Variants in NTRK2 observed in about 807,000 individuals in gnomAD.
The protein encoded by NTRK2 is BDNF/NT-3 growth factors receptor.
NTRK2 carries 13 observed loss-of-function variants against 94.5 expected under a neutral mutation model. The observed-to-expected ratio is 0.14, with a 90% CI of 0.09 to 0.22. NTRK2 has a LOEUF of 0.22. Among genes scored for constraint, NTRK2 ranks in the 10% least tolerant of loss-of-function variants. The pLI, the probability that NTRK2 is intolerant of heterozygous loss-of-function variation, is 1.00. For missense variants in NTRK2, 639 were observed against 1,071.2 expected (o/e 0.60, Z 5.63); for synonymous variants, 372 against 407.4 (o/e 0.91, Z 1.05).
At chr9:84,929,996 C>T (rs1046322873) in intron 14 of NTRK2, among the ~76,000 whole-genome samples, 7 of 152,126 alleles carry the variant, frequency 4.6e-5, no homozygotes, top group Non-Finnish European at 1.0e-4. Flanking sequence ...TATGTGATAG[C>T]TTATTTATCA....
chr9:85,003,259 A>T (rs1186958929), intron 17 of NTRK2, among the ~76,000 whole-genome samples: 1 of 152,154 alleles, frequency 6.6e-6, no homozygotes, highest in Non-Finnish European at 1.5e-5. Context: ...ACAAAAACAA[A>T]TGGGAGGAGA....
At chr9:84,984,622 G>A (rs889848640) in intron 17 of NTRK2, among the ~76,000 whole-genome samples, 4 of 152,150 alleles carry the variant, frequency 2.6e-5, no homozygotes, top group African/African-American at 9.7e-5. Context: ...GCTGGCCTGG[G>A]GACCACAGGC....
intron 15 of NTRK2, among the ~76,000 whole-genome samples, chr9:84,945,849 A>C (rs1414790483): frequency 1.3e-5 from 2 of 152,210 alleles, no homozygotes; most frequent in East Asian, 3.9e-4. Context: ...GGTGGTGCTT[A>C]TAAAGACACT....
intron 14 of NTRK2, among the ~76,000 whole-genome samples, chr9:84,882,709 T>C (rs1327018748): frequency 1.3e-5 from 2 of 148,262 alleles, no homozygotes; most frequent in African/African-American, 5.2e-5. Flanking sequence ...TGTGTGTGTG[T>C]GTGTGTGTGT....
chr9:84,989,143 C>T (rs1828731370), intron 17 of NTRK2, among the ~76,000 whole-genome samples: 1 of 152,168 alleles, frequency 6.6e-6, no homozygotes, highest in Non-Finnish European at 1.5e-5. Context: ...TAAAGTAGTA[C>T]AATTCAAACT....
At chr9:84,718,968 G>A (rs1355861402) in intron 6 of NTRK2, among the ~76,000 whole-genome samples, 1 of 152,104 alleles carries the variant, frequency 6.6e-6, no homozygotes, top group Non-Finnish European at 1.5e-5. Context: ...GGCCAATTTT[G>A]CTCAGATTCC....
At chr9:84,751,297 G>A (rs1020300285) in intron 11 of NTRK2, among the ~76,000 whole-genome samples, 1 of 152,086 alleles carries the variant, frequency 6.6e-6, no homozygotes, top group South Asian at 2.1e-4. Flanking sequence ...AAGAATTATC[G>A]GGCTGGATGC....
intron 9 of NTRK2, among the ~76,000 whole-genome samples, chr9:84,738,520 G>A (rs2063409445): frequency 6.6e-6 from 1 of 152,154 alleles, no homozygotes; most frequent in Non-Finnish European, 1.5e-5. Context: ...CATTTTTTCT[G>A]TCAGCATTTA....
At chr9:84,711,806 ATGACCTTAGAAGACGGCCC>A (rs1564104669) in intron 6 of NTRK2, among the ~76,000 whole-genome samples, 1 of 152,200 alleles carries the variant, frequency 6.6e-6, no homozygotes, top group East Asian at 1.9e-4. Context: ...CTTACCCTGA[ATGACCTTAGAAGACGGCCC>A]TGACCCTTCC....
chr9:84,750,950 G>A (rs1292014878), intron 11 of NTRK2, among the ~76,000 whole-genome samples: 2 of 152,158 alleles, frequency 1.3e-5, no homozygotes, highest in South Asian at 4.1e-4. Flanking sequence ...GATGGGAGAG[G>A]ATTCACATAT....
intron 12 of NTRK2, among the ~76,000 whole-genome samples, chr9:84,808,862 T>TA (rs2133513697): frequency 6.6e-6 from 1 of 152,310 alleles, no homozygotes; most frequent in African/African-American, 2.4e-5. Flanking sequence ...TGGTGGTACT[T>TA]ACGGTTCTGG....
chr9:84,797,885 T>C (rs1407089509), intron 12 of NTRK2, among the ~76,000 whole-genome samples: 1 of 118,714 alleles, frequency 8.4e-6, no homozygotes. Flanking sequence ...AATATAGTAA[T>C]AATTATTATT....
In NTRK2 at chr9:84,867,283, C is replaced by T. The variant is rs1468428275; in HGVS notation, c.1485C>T (p.Ser495=). ...TCAGCAATGATGATGACTCTGCCAG[C>T]CCACTCCATCACATCTCCAATGGGA... The part of the protein sequence containing the change: ...SVISNDDDSA[S]PLHHISNGSN... The change falls in exon 14 of 19, where the codon AGC becomes AGT. Residue 495 remains serine (S), a synonymous_variant. Coordinates refer to ENST00000277120, the MANE Select transcript of NTRK2 (RefSeq NM_006180.6). 1 of 1,614,068 alleles carries T rather than the reference C, an allele frequency of 6.2e-7. No individual in the cohort carries two copies. The highest frequency in any genetic ancestry group is 1.7e-5 in the Admixed American group (1 of 60,014).
At chr9:84,676,354 C>G (rs1050962808) in intron 2 of NTRK2, among the ~76,000 whole-genome samples, 2 of 152,168 alleles carry the variant, frequency 1.3e-5, no homozygotes, top group Non-Finnish European at 2.9e-5. Flanking sequence ...CCTTTGGTGT[C>G]AGAGTGTTAT....
intron 9 of NTRK2, among the ~76,000 whole-genome samples, chr9:84,736,067 G>A (rs2132219242): frequency 6.6e-6 from 1 of 152,312 alleles, no homozygotes; most frequent in Admixed American, 6.5e-5. Flanking sequence ...AGTAGATTCT[G>A]TTCAGAATCA....
At chr9:84,694,963 G>T (rs2060275942) in intron 2 of NTRK2, among the ~76,000 whole-genome samples, 1 of 150,092 alleles carries the variant, frequency 6.7e-6, no homozygotes, top group South Asian at 2.1e-4. Context: ...GGATCACGAG[G>T]TCAGGAGATG....
chr9:84,673,493 T>A (rs2058830698), intron 2 of NTRK2, among the ~76,000 whole-genome samples: 1 of 152,174 alleles, frequency 6.6e-6, no homozygotes, highest in South Asian at 2.1e-4. Flanking sequence ...GTCTATTTTT[T>A]AAAAATAGAA....
At chr9:84,945,480 C>T (rs147691154) in intron 15 of NTRK2, among the ~76,000 whole-genome samples, 2 of 152,284 alleles carry the variant, frequency 1.3e-5, no homozygotes, top group African/African-American at 4.8e-5. Flanking sequence ...AGCAGATAGA[C>T]TTCCATCTCT....
intron 12 of NTRK2, among the ~76,000 whole-genome samples, chr9:84,769,361 T>A (rs1398418667): frequency 6.6e-6 from 1 of 152,190 alleles, no homozygotes. Flanking sequence ...CCTACCCAAT[T>A]GGCTGTCTCC....
Sources: allele counts gnomAD v4.1 joint callset (sites outside exome capture counted in the v4.1 genomes callset), GRCh38; gene constraint gnomAD v4.1.1; transcripts MANE v1.5; gene names NCBI Gene and HGNC (gene_info 2026-07-23, HGNC 2026-07-21).